The following DGKE variants were observed in gnomAD, a reference collection of about 807,000 sequenced individuals.
DGKE encodes the protein DAG kinase epsilon.
DGKE carries 53 observed loss-of-function variants against 70.0 expected under a neutral mutation model. That is an observed-to-expected ratio of 0.76 (90% CI 0.61 to 0.95). The LOEUF (loss-of-function observed/expected upper bound fraction) is 0.95, where lower values mean the gene tolerates loss of function less well. Among genes scored for constraint, DGKE ranks in the 40% least tolerant of loss-of-function variants. DGKE has a pLI of 0.00. For synonymous variants in DGKE, 291 were observed against 257.0 expected (o/e 1.13, Z -1.27); for missense variants, 655 against 706.9 (o/e 0.93, Z 0.83).
chr17:56,850,890 T>C (rs1301098662), intron 7 of DGKE, among the ~76,000 whole-genome samples: 2 of 152,198 alleles, frequency 1.3e-5, no homozygotes, highest in African/African-American at 4.8e-5. Flanking sequence ...AAATGTGTTA[T>C]GGGAGAGAAC....
chr17:56,835,182 G>A lies in DGKE; in HGVS notation c.387G>A (p.Arg129=). ...ACGCCATGCCCCACCACTGGATCCGGGGCAACGTGCCCCTGTGCAGTTACT... is the reference window on the plus strand; with the variant it reads ...ACGCCATGCCCCACCACTGGATCCGAGGCAACGTGCCCCTGTGCAGTTACT... ...VLDAMPHHWI[R]GNVPLCSYCM... The change falls in exon 2 of 12, where the codon CGG becomes CGA. Residue 129 remains arginine (R), a synonymous_variant. Coordinates refer to ENST00000284061, the MANE Select transcript of DGKE (RefSeq NM_003647.3). 6.2e-7 allele frequency: 1 copy of A among 1,614,044 alleles called. No individual in the cohort carries two copies. The highest frequency in any genetic ancestry group is 1.3e-5 in the African/African-American group (1 of 75,056).
chr17:56,859,833 A>G (rs1432878498), intron 9 of DGKE, among the ~76,000 whole-genome samples: 2 of 152,226 alleles, frequency 1.3e-5, no homozygotes, highest in African/African-American at 4.8e-5. Flanking sequence ...AATAAATAAA[A>G]AGAGATCATA....
rs777888021 is a variant in DGKE at position 56,862,607 on chromosome 17, A to G, written c.1525-5A>G. The G allele has an allele frequency of 2.6e-6, 4 of 1,527,974 alleles. No individual in the cohort carries two copies. The African/African-American group carries it at 4.2e-5, about 16-fold the overall frequency. The allele number at this position is 1,527,974 out of a possible 1,614,324, so 94.7% of individuals were successfully genotyped here. A position where few individuals can be genotyped will look rare whatever the true frequency, so the allele number is the denominator to read the frequency against. On this transcript the variant is annotated splice_polypyrimidine_tract_variant and splice_region_variant and intron_variant, in intron 11 of 11. Coordinates refer to ENST00000284061, the MANE Select transcript of DGKE (RefSeq NM_003647.3). ...TTTTAAACATTATTTGTTCCCTAAT[A>G]TCAGCTGATTTTGAAGTGCTCCATG... is the stretch of plus-strand genomic sequence containing the variant.
chr17:56,851,603 C>G (rs927930697), intron 7 of DGKE, among the ~76,000 whole-genome samples: 2 of 152,110 alleles, frequency 1.3e-5, no homozygotes, highest in Non-Finnish European at 2.9e-5. Flanking sequence ...GCCTTTTATG[C>G]CTTACTCTTA....
At chr17:56,859,818 GATAAA>G (rs977084223) in intron 9 of DGKE, among the ~76,000 whole-genome samples, 2 of 152,114 alleles carry the variant, frequency 1.3e-5, no homozygotes, top group African/African-American at 2.4e-5. Flanking sequence ...ACCTAGAACT[GATAAA>G]ATAAATAAAA....
At chr17:56,862,581 C>CT in intron 11 of DGKE, 31 bp from the exon 12 acceptor site, 1 of 1,471,612 alleles carries the variant, frequency 6.8e-7, no homozygotes, top group Non-Finnish European at 9.0e-7. Context: ...GGGGGACTGA[C>CT]TTTTAAACAT....
Position 56,845,694 on chromosome 17 carries a change from C to T in DGKE, c.629C>T (p.Ala210Val). The stretch of plus-strand genomic sequence containing the variant: ...ACTCATGGCAATTTTTTTTAGCTAG[C>T]CTCTAAGCTTGGAAAGCAGTGGACC... Reference protein sequence around the residue: ...KDKKTDYEVLASKLGKQWTPL... With the variant: ...KDKKTDYEVLVSKLGKQWTPL... The change falls in exon 4 of 12, where the codon GCC (alanine) becomes GTC (valine). Residue 210 changes from alanine to valine, a missense_variant. Transcript: ENST00000284061. The T allele has an allele frequency of 6.2e-7, 1 of 1,605,252 alleles. No homozygotes were observed.
Position 56,834,714 on chromosome 17 carries a change from G to A in DGKE, c.-18-64G>A, listed in dbSNP as rs1906453342. 17 of 1,459,548 alleles carry A rather than the reference G, an allele frequency of 1.2e-5. No homozygotes were observed. In the South Asian group the frequency reaches 2.1e-4, roughly 18 times the overall value. The allele number at this position is 1,459,548 out of a possible 1,614,324, so 90.4% of individuals were successfully genotyped here. ...GGGCGCCCGGTTTGGCCCCGGAAAG[G>A]CAGGAAGGGGGCGGGGAAGGGATGG... On this transcript the variant is annotated intron_variant, in intron 1 of 11. Transcript: ENST00000284061.
chr17:56,850,459 A>G (rs1047673721), intron 7 of DGKE, among the ~76,000 whole-genome samples: 7 of 152,216 alleles, frequency 4.6e-5, no homozygotes, highest in Non-Finnish European at 8.8e-5. Flanking sequence ...AAATAGATAT[A>G]TTTAGGTGAC....
chr17:56,854,795 A>G (rs1200313866), intron 7 of DGKE, among the ~76,000 whole-genome samples: 1 of 152,232 alleles, frequency 6.6e-6, no homozygotes, highest in East Asian at 1.9e-4. Flanking sequence ...CCAAAGAAAG[A>G]TGGACAAAGT....
intron 2 of DGKE, among the ~76,000 whole-genome samples, chr17:56,842,565 G>GCAAA (rs1431544036): frequency 2.6e-5 from 4 of 152,166 alleles, no homozygotes; most frequent in African/African-American, 9.7e-5. Flanking sequence ...ATGTGATTAT[G>GCAAA]CAAATTATTT....
intron 8 of DGKE, among the ~76,000 whole-genome samples, chr17:56,857,965 T>G (rs1227957794): frequency 6.7e-6 from 1 of 149,824 alleles, no homozygotes; most frequent in Non-Finnish European, 1.5e-5. Flanking sequence ...CCCAGCTACT[T>G]GAGAGACTGA....
intron 8 of DGKE, among the ~76,000 whole-genome samples, chr17:56,857,443 C>T (rs1435974361): frequency 3.3e-5 from 5 of 152,076 alleles, no homozygotes; most frequent in South Asian, 2.1e-4. Context: ...TTTTTAATAA[C>T]GTTCGGTGAT....
intron 4 of DGKE, 60 bp downstream of exon 4, chr17:56,845,869 T>C: frequency 4.1e-6 from 6 of 1,479,500 alleles, no homozygotes; most frequent in Non-Finnish European, 5.4e-6. Context: ...ATGCAATGAT[T>C]ATTAATGCTT....
Position 56,861,938 on chromosome 17 carries a change from G to GT in DGKE, c.1412+27dup, listed in dbSNP as rs1178489555. ...AGCCAGGTATGTACATTTGTGGTCT[G>GT]TTTTTTTATGTCACTATTTTATTTA... On this transcript the variant is annotated intron_variant, in intron 10 of 11. Transcript: ENST00000284061. The GT allele has an allele frequency of 1.3e-6, 2 of 1,570,102 alleles. No homozygotes were observed. The highest frequency in any genetic ancestry group is 2.1e-5 in the Admixed American group (1 of 47,522).
At chr17:56,853,584 A>G (rs374510280) in intron 7 of DGKE, among the ~76,000 whole-genome samples, 1 of 152,106 alleles carries the variant, frequency 6.6e-6, no homozygotes, top group East Asian at 1.9e-4. Flanking sequence ...TGTTCTTGGC[A>G]CCTTTGTCAG....
At chr17:56,856,481 G>C in intron 7 of DGKE, 31 bp from the exon 8 acceptor site, 1 of 1,597,120 alleles carries the variant, frequency 6.3e-7, no homozygotes, top group Non-Finnish European at 8.5e-7. Context: ...TGGAACCATA[G>C]TCTGTTGCTT....
rs1309761795 is a variant in DGKE, at chr17:56,835,224, G to A, written c.429G>A (p.Gln143=). ...PLCSYCMVCK[Q]QCGCQPKLCD... The stretch of plus-strand genomic sequence containing the variant: ...GCAGTTACTGTATGGTTTGCAAGCA[G>A]CAGTGTGGCTGTCAACCCAAGCTTT... Residue 143 remains glutamine (Q), a synonymous_variant, in exon 2 of 12, where the codon CAG becomes CAA. Coordinates refer to ENST00000284061, the MANE Select transcript of DGKE (RefSeq NM_003647.3). The A allele has an allele frequency of 6.2e-7, 1 of 1,613,198 alleles. No homozygotes were observed. The highest frequency in any genetic ancestry group is 8.5e-7 in the Non-Finnish European group (1 of 1,179,926).
Position 56,862,120 on chromosome 17 carries a change from T to C in DGKE, c.1413-20T>C, listed in dbSNP as rs1908329491. ...TTTTTATTGCATCATATAATCCATA[T>C]TTTCTTTTTCCAATTTTAGGCATGA... On this transcript the variant is annotated intron_variant, in intron 10 of 11. Transcript: ENST00000284061. The C allele has an allele frequency of 6.2e-7, 1 of 1,611,504 alleles. No individual in the cohort carries two copies. The highest frequency in any genetic ancestry group is 8.5e-7 in the Non-Finnish European group (1 of 1,177,822).
Sources: allele counts gnomAD v4.1 joint callset (sites outside exome capture counted in the v4.1 genomes callset), GRCh38; gene constraint gnomAD v4.1.1; transcripts MANE v1.5; gene names NCBI Gene and HGNC (gene_info 2026-07-23, HGNC 2026-07-21).